The following SLC6A11 variants were observed in gnomAD, a reference collection of about 807,000 sequenced individuals.
The protein encoded by SLC6A11 is sodium- and chloride-dependent GABA transporter 3.
In SLC6A11, 25 loss-of-function variants were observed where a neutral mutation model predicts 74.8. That is an observed-to-expected ratio of 0.33 (90% CI 0.24 to 0.47). SLC6A11 has a LOEUF of 0.47. Among genes scored for constraint, SLC6A11 ranks in the 20% least tolerant of loss-of-function variants. SLC6A11 has a pLI of 1.00. For synonymous variants in SLC6A11, 330 were observed against 330.2 expected (o/e 1.00, Z 0.01); for missense variants, 574 against 837.0 (o/e 0.69, Z 3.88).
At chr3:10,865,527 G>A (rs1694753291) in intron 5 of SLC6A11, among the ~76,000 whole-genome samples, 1 of 152,228 alleles carries the variant, frequency 6.6e-6, no homozygotes, top group African/African-American at 2.4e-5. Flanking sequence ...GCTGGGTGTG[G>A]TAGCATGCAC....
intron 8 of SLC6A11, among the ~76,000 whole-genome samples, chr3:10,925,373 C>A (rs1460477008): frequency 6.6e-6 from 1 of 152,216 alleles, no homozygotes; most frequent in Admixed American, 6.5e-5. Context: ...TGAGCCCAGG[C>A]CACCTGGCTA....
chr3:10,826,548 C>A (rs984100390), intron 4 of SLC6A11, among the ~76,000 whole-genome samples: 3 of 152,180 alleles, frequency 2.0e-5, no homozygotes, highest in Non-Finnish European at 4.4e-5. Context: ...TTAATTAAAT[C>A]ATTATTTGTA....
chr3:10,838,937 T>C lies in SLC6A11; in HGVS notation c.624-5277T>C, dbSNP rs188059870. ...GCCATCTCCTCCCAGTTCCGCTCCT[T>C]CCTCCAAGTCTCTTAATAAGGAAGG... On this transcript the variant is annotated intron_variant, in intron 4 of 13. Coordinates refer to ENST00000254488, the MANE Select transcript of SLC6A11 (RefSeq NM_014229.3). 9.2e-5 allele frequency among the ~76,000 whole-genome samples: 14 copies of C among 152,194 alleles called. No individual in the cohort carries two copies. In the East Asian group the frequency reaches 2.7e-3, roughly 29 times the overall value.
At chr3:10,838,401 A>G (rs992901448) in intron 4 of SLC6A11, among the ~76,000 whole-genome samples, 1 of 152,196 alleles carries the variant, frequency 6.6e-6, no homozygotes, top group Non-Finnish European at 1.5e-5. Context: ...CCTTGGGCTC[A>G]CTTTCTGGTG....
At chr3:10,852,107 C>G (rs1694583835) in intron 5 of SLC6A11, among the ~76,000 whole-genome samples, 1 of 152,272 alleles carries the variant, frequency 6.6e-6, no homozygotes, top group South Asian at 2.1e-4. Context: ...AGGAAAGGAA[C>G]TGAGAGCGCT....
At position 10,816,615 on chromosome 3, in the gene SLC6A11, G is replaced by A; in HGVS notation, c.256+94G>A. The A allele has an allele frequency of 7.6e-7, 1 of 1,308,632 alleles. No homozygotes were observed. The highest frequency in any genetic ancestry group is 1.0e-6 in the Non-Finnish European group (1 of 983,498). The allele number at this position is 1,308,632 out of a possible 1,614,324, so 81.1% of individuals were successfully genotyped here. The stretch of plus-strand genomic sequence containing the variant: ...GCGCGAGACCCCCTCCCGCGCCTGC[G>A]TGGAGCGGAACCCGAGCGGAGAACC... On this transcript the variant is annotated intron_variant, in intron 1 of 13. Coordinates refer to ENST00000254488, the MANE Select transcript of SLC6A11 (RefSeq NM_014229.3). This position sits in a 1 kb window ranked among gnomAD's most constrained non-coding sequence, Gnocchi z 4.2.
At chr3:10,936,459 T>TG (rs1418553045) in intron 13 of SLC6A11, among the ~76,000 whole-genome samples, 5 of 152,142 alleles carry the variant, frequency 3.3e-5, no homozygotes, top group African/African-American at 1.2e-4. Flanking sequence ...CAGGAGGCGA[T>TG]GGGGAGTGGG....
Position 10,938,585 on chromosome 3 carries a change from G to T in SLC6A11, c.*183G>T, listed in dbSNP as rs538530651. ...AAGTCATATCCCCTCCCCGCCCCCA[G>T]TCATCATGGAAGTAACCACTACAAA... On this transcript the variant is annotated 3_prime_UTR_variant, in exon 14 of 14. Transcript: ENST00000254488. 2.5e-4 allele frequency: 131 copies of T among 515,168 alleles called. 1 individual carries two copies. In the East Asian group the frequency reaches 3.9e-3, roughly 15 times the overall value. The allele number at this position is 515,168 out of a possible 1,614,324, so 31.9% of individuals were successfully genotyped here.
At chr3:10,835,571 A>G (rs1175284978) in intron 4 of SLC6A11, among the ~76,000 whole-genome samples, 1 of 152,054 alleles carries the variant, frequency 6.6e-6, no homozygotes, top group Non-Finnish European at 1.5e-5. Flanking sequence ...TCTCCTCCCC[A>G]CACTCCCTCC....
chr3:10,929,869 G>A (rs1211060824), intron 10 of SLC6A11, among the ~76,000 whole-genome samples: 1 of 152,060 alleles, frequency 6.6e-6, no homozygotes, highest in Non-Finnish European at 1.5e-5. Context: ...GGTTCTCCAT[G>A]ACCTCCAAAT....
chr3:10,923,426 A>G (rs1319416122), intron 8 of SLC6A11, among the ~76,000 whole-genome samples: 1 of 152,186 alleles, frequency 6.6e-6, no homozygotes, highest in Admixed American at 6.5e-5. Flanking sequence ...CCCAATGGTT[A>G]AAACTGAAAT....
intron 13 of SLC6A11, among the ~76,000 whole-genome samples, chr3:10,937,182 C>T (rs759744557): frequency 3.3e-5 from 5 of 152,294 alleles, no homozygotes; most frequent in South Asian, 2.1e-4. Flanking sequence ...ATACTAACCC[C>T]GGAAGGCAGG....
At chr3:10,879,779 A>G (rs1056406860) in intron 6 of SLC6A11, among the ~76,000 whole-genome samples, 1 of 152,208 alleles carries the variant, frequency 6.6e-6, no homozygotes, top group Non-Finnish European at 1.5e-5. Context: ...ACATACATAC[A>G]TATATATACA....
intron 6 of SLC6A11, among the ~76,000 whole-genome samples, chr3:10,875,307 T>C (rs77816450): frequency 0.079 from 12,099 of 152,280 alleles, 535 homozygotes; most frequent in East Asian, 0.11. Context: ...AAAAGGCAAA[T>C]TTGTGACATG....
At chr3:10,823,475 A>G (rs1181212755) in intron 4 of SLC6A11, 83 bp downstream of exon 4, 1 of 903,708 alleles carries the variant, frequency 1.1e-6, no homozygotes, top group Non-Finnish European at 1.8e-6. Context: ...CTATTCCTGG[A>G]AAAAGCCTGA....
At chr3:10,868,034 T>A (rs981220192) in intron 5 of SLC6A11, among the ~76,000 whole-genome samples, 2 of 152,220 alleles carry the variant, frequency 1.3e-5, no homozygotes, top group Non-Finnish European at 2.9e-5. Flanking sequence ...ATATAGATAA[T>A]ATTAAGTAAA....
In SLC6A11 at chr3:10,938,432, C is replaced by T. The variant is rs375019288; in HGVS notation, c.*30C>T. On this transcript the variant is annotated 3_prime_UTR_variant, in exon 14 of 14. Coordinates refer to ENST00000254488, the MANE Select transcript of SLC6A11 (RefSeq NM_014229.3). Reference sequence around the variant, plus strand: ...CCACCAGCCATCTGGGGCTCTTCTTCCTTTCTTCCCCCCGTGTATGTAAAT... The same window carrying T: ...CCACCAGCCATCTGGGGCTCTTCTTTCTTTCTTCCCCCCGTGTATGTAAAT... The T allele has an allele frequency of 2.3e-4, 355 of 1,560,802 alleles. 1 individual carries two copies. The highest frequency in any genetic ancestry group is 3.0e-4 in the Non-Finnish European group (348 of 1,145,570).
chr3:10,828,930 CATTCTAGGTGCTCAATAAAT>C (rs1262027976), intron 4 of SLC6A11, among the ~76,000 whole-genome samples: 1 of 152,236 alleles, frequency 6.6e-6, no homozygotes, highest in East Asian at 1.9e-4. Context: ...CTTGCCAGCA[CATTCTAGGTGCTCAATAAAT>C]ATTTGTTGAA....
intron 12 of SLC6A11, among the ~76,000 whole-genome samples, chr3:10,934,416 G>T: frequency 6.6e-6 from 1 of 152,176 alleles, no homozygotes; most frequent in Non-Finnish European, 1.5e-5. Context: ...AGGACGTCAG[G>T]TGCTGCATAC....
Sources: gnomAD v4.1 joint callset for allele counts (sites outside exome capture counted in the v4.1 genomes callset) on GRCh38, gnomAD v4.1.1 for gene constraint, Gnocchi (gnomAD v3.1) non-coding constraint, MANE v1.5 for transcripts, NCBI Gene and HGNC (gene_info 2026-07-23, HGNC 2026-07-21) for gene names.